PCDHGA4: variants seen among roughly 807,000 people sequenced by gnomAD.
PCDHGA4 encodes the protein protocadherin gamma subfamily A, 4, also known as protocadherin gamma-A4.
PCDHGA4 carries 38 observed loss-of-function variants against 54.6 expected under a neutral mutation model. The observed-to-expected ratio is 0.70, with a 90% CI of 0.54 to 0.91. The LOEUF (loss-of-function observed/expected upper bound fraction) is 0.91, where lower values mean the gene tolerates loss of function less well. PCDHGA4 is among the 40% of genes least tolerant of loss of function. The pLI, the probability that PCDHGA4 is intolerant of heterozygous loss-of-function variation, is 0.00. For synonymous variants in PCDHGA4, 511 were observed against 512.9 expected, an observed-to-expected ratio of 1.00 and a Z score of 0.05; for missense variants, 1,298 against 1,220.9, an observed-to-expected ratio of 1.06 and a Z score of -0.94.
At chr5:141,405,261 T>A (rs1445565178) in intron 1 of PCDHGA4, 1 of 1,613,852 alleles carries the variant, frequency 6.2e-7, no homozygotes, top group South Asian at 1.1e-5. Context: ...CACCTGATCT[T>A]CCCCCAGCCC....
chr5:141,395,016 G>A (rs772379480), intron 1 of PCDHGA4: 2 of 1,614,068 alleles, frequency 1.2e-6, no homozygotes, highest in Non-Finnish European at 1.7e-6. Flanking sequence ...ATTGGTAGGC[G>A]TGCCTGCCTC....
chr5:141,485,070 G>A lies in PCDHGA4; in HGVS notation c.2515-9737G>A. On this transcript the variant is annotated intron_variant, in intron 1 of 3. Coordinates refer to ENST00000571252, the MANE Select transcript of PCDHGA4 (RefSeq NM_018917.4). The surrounding 1 kb of genome is among the most constrained non-coding windows in gnomAD (Gnocchi z 5.7). ...CGCCGGCCGAACCGCGCCAGAGCTG[G>A]CGCGGGGAAAGGGAGATAGGTGTCT... is the stretch of plus-strand genomic sequence containing the variant. The A allele has an allele frequency of 1.1e-6, 1 of 908,406 alleles. No individual in the cohort carries two copies. Among genetic ancestry groups the A allele is most frequent in the Non-Finnish European group, 1.7e-6 (1 of 580,008 alleles). 56.3% of individuals were successfully genotyped at this position (908,406 alleles called of 1,614,324 possible). A position where few individuals can be genotyped will look rare whatever the true frequency, so the allele number is the denominator to read the frequency against.
chr5:141,407,971 G>A, intron 1 of PCDHGA4: 2 of 717,762 alleles, frequency 2.8e-6, no homozygotes, highest in South Asian at 2.3e-5. Flanking sequence ...AAGCGCTGAC[G>A]CCGGGGATCC....
At position 141,374,696 on chromosome 5, in the gene PCDHGA4, G is replaced by A. The variant is rs747520978; in HGVS notation, c.2514+17075G>A. 5 of 1,609,314 alleles carry A rather than the reference G, an allele frequency of 3.1e-6. No homozygotes were observed. In the African/African-American group the frequency reaches 6.7e-5, roughly 21 times the overall value. ...GGAGGGCACACTGGACCGGGAAGGA[G>A]AAGCCGTTTACCGCCTGGTCCTTAC... On this transcript the variant is annotated intron_variant, in intron 1 of 3. Coordinates refer to ENST00000571252, the MANE Select transcript of PCDHGA4 (RefSeq NM_018917.4).
In PCDHGA4 at chr5:141,476,210, G is replaced by A; in HGVS notation, c.2515-18597G>A. ...TGGTGCCTTGAACAAGGCTTCCACG[G>A]TCATTCACTATGAGATCCCGGAGGA... is the stretch of plus-strand genomic sequence containing the variant. On this transcript the variant is annotated intron_variant, in intron 1 of 3. Coordinates refer to ENST00000571252, the MANE Select transcript of PCDHGA4 (RefSeq NM_018917.4). The surrounding 1 kb of genome is among the most constrained non-coding windows in gnomAD (Gnocchi z 7.6). 6.2e-7 allele frequency: 1 copy of A among 1,614,012 alleles called. No individual in the cohort carries two copies. Among genetic ancestry groups the A allele is most frequent in the Non-Finnish European group, 8.5e-7 (1 of 1,180,012 alleles).
intron 1 of PCDHGA4, chr5:141,404,536 G>A: frequency 6.2e-7 from 1 of 1,613,922 alleles, no homozygotes; most frequent in Non-Finnish European, 8.5e-7. Flanking sequence ...TTAGAGATTT[G>A]CAAATGCAGG....
chr5:141,355,191 C>A lies in PCDHGA4; in HGVS notation c.84C>A (p.Gly28=), dbSNP rs746909575. 2 of 1,591,882 alleles carry A rather than the reference C, an allele frequency of 1.3e-6. No homozygotes were observed. The highest frequency in any genetic ancestry group is 2.2e-5 in the East Asian group (1 of 44,624). ...AACCGAAGCACAGGCGACTCCGCGG[C>A]GGGGTTGTAATGGCGGCGCCTCCTG... ...EGKPKHRRLR[G]GVVMAAPPAR... Residue 28 remains glycine (G), a synonymous_variant, in exon 1 of 4, where the codon GGC becomes GGA. Coordinates refer to ENST00000571252, the MANE Select transcript of PCDHGA4 (RefSeq NM_018917.4).
Position 141,476,642 on chromosome 5 carries a change from C to G in PCDHGA4, c.2515-18165C>G. 6.2e-7 allele frequency: 1 copy of G among 1,614,240 alleles called. No homozygotes were observed. The highest frequency in any genetic ancestry group is 8.5e-7 in the Non-Finnish European group (1 of 1,180,050). ...CTCTTTACAAACCTATGAGCTGAGC[C>G]GAAATGAATACTTTGCGCTTCGCGT... On this transcript the variant is annotated intron_variant, in intron 1 of 3. Transcript: ENST00000571252. This position sits in a 1 kb window ranked among gnomAD's most constrained non-coding sequence, Gnocchi z 7.6.
intron 1 of PCDHGA4, chr5:141,375,379 G>C (rs763011403): frequency 1.2e-6 from 2 of 1,613,794 alleles, no homozygotes; most frequent in Non-Finnish European, 1.7e-6. Context: ...CACCACCTCT[G>C]TCTACAGAAA....
At chr5:141,361,906 G>T in intron 1 of PCDHGA4, 3 of 1,609,144 alleles carry the variant, frequency 1.9e-6, no homozygotes, top group Non-Finnish European at 2.5e-6. Flanking sequence ...GGTGACCAAG[G>T]TGGTGGCGGT....
chr5:141,489,900 A>G lies in PCDHGA4; in HGVS notation c.2515-4907A>G, dbSNP rs963522810. The stretch of plus-strand genomic sequence containing the variant: ...TTACTGCTGTGGATGGGGGGACCCC[A>G]GCCCGCTCAGGGACCACCCTTATCT... On this transcript the variant is annotated intron_variant, in intron 1 of 3. Transcript: ENST00000571252. The surrounding 1 kb of genome is among the most constrained non-coding windows in gnomAD (Gnocchi z 4.5). The G allele has an allele frequency of 1.9e-6, 3 of 1,614,254 alleles. No homozygotes were observed. The highest frequency in any genetic ancestry group is 1.7e-5 in the Admixed American group (1 of 60,026).
chr5:141,436,140 A>G (rs1324666699), intron 1 of PCDHGA4, among the ~76,000 whole-genome samples: 2 of 152,224 alleles, frequency 1.3e-5, no homozygotes, highest in Non-Finnish European at 2.9e-5. Flanking sequence ...TCTTGTATGA[A>G]CTACCAAAAT....
At chr5:141,425,258 G>T (rs965944291) in intron 1 of PCDHGA4, among the ~76,000 whole-genome samples, 2 of 152,134 alleles carry the variant, frequency 1.3e-5, no homozygotes, top group Non-Finnish European at 2.9e-5. Context: ...GAGGTATTTG[G>T]CTGGGAAAAG....
intron 1 of PCDHGA4, chr5:141,433,132 T>A (rs1168186406): frequency 6.2e-7 from 1 of 1,614,122 alleles, no homozygotes; most frequent in Non-Finnish European, 8.5e-7. Context: ...GCGAGCCCCT[T>A]TTGCTGTCAG....
chr5:141,398,203 T>C (rs1365410987), intron 1 of PCDHGA4: 2 of 1,489,610 alleles, frequency 1.3e-6, no homozygotes. Flanking sequence ...GTCTTTGTTC[T>C]GCCCGGCGCT....
In PCDHGA4 at chr5:141,432,399, C is replaced by T. The variant is rs2097496727; in HGVS notation, c.2515-62408C>T. ...CACCCGCCCCTCAGCAGCAACGTGT[C>T]GTTGAGCCTGTTCGTGCTGGACCAG... is the stretch of plus-strand genomic sequence containing the variant. On this transcript the variant is annotated intron_variant, in intron 1 of 3. Coordinates refer to ENST00000571252, the MANE Select transcript of PCDHGA4 (RefSeq NM_018917.4). This position sits in a 1 kb window ranked among gnomAD's most constrained non-coding sequence, Gnocchi z 6.0. 1.2e-6 allele frequency: 2 copies of T among 1,614,240 alleles called. No homozygotes were observed. Among genetic ancestry groups the T allele is most frequent in the Non-Finnish European group, 1.7e-6 (2 of 1,180,040 alleles).
chr5:141,374,561 C>A, intron 1 of PCDHGA4: 1 of 1,613,628 alleles, frequency 6.2e-7, no homozygotes. Context: ...GGTCTATGAC[C>A]CTGATGTGGG....
At chr5:141,365,681 A>C in intron 1 of PCDHGA4, 2 of 1,613,224 alleles carry the variant, frequency 1.2e-6, no homozygotes, top group Non-Finnish European at 8.5e-7. Flanking sequence ...CAACCCACCC[A>C]ATTTCCCTCA....
rs1201654822 is a variant in PCDHGA4, at chr5:141,476,876, C to T, written c.2515-17931C>T. ...CCAGTCCTTGTACCGGGCGCGCGTC[C>T]TGGAGGATGCACCCTCCGGCACGCG... On this transcript the variant is annotated intron_variant, in intron 1 of 3. Transcript: ENST00000571252. The surrounding 1 kb of genome is among the most constrained non-coding windows in gnomAD (Gnocchi z 7.6). 6.2e-7 allele frequency: 1 copy of T among 1,613,876 alleles called. No homozygotes were observed. The highest frequency in any genetic ancestry group is 1.7e-5 in the Admixed American group (1 of 60,018).
Sources: allele counts gnomAD v4.1 joint callset (sites outside exome capture counted in the v4.1 genomes callset), GRCh38; gene constraint gnomAD v4.1.1; non-coding constraint Gnocchi (gnomAD v3.1); transcripts MANE v1.5; gene names NCBI Gene and HGNC (gene_info 2026-07-23, HGNC 2026-07-21).